The following UNC79 variants were observed in gnomAD, a reference collection of about 807,000 sequenced individuals.
The protein encoded by UNC79 is unc-79 subunit of NALCN channel complex.
UNC79 carries 37 observed loss-of-function variants against 283.1 expected under a neutral mutation model. The observed-to-expected ratio is 0.13, with a 90% CI of 0.10 to 0.17. UNC79 has a LOEUF of 0.17. Ranked by LOEUF, UNC79 falls within the 10% of genes least tolerant of loss-of-function variation. The pLI is 1.00. For missense variants in UNC79, 2,272 were observed against 3,211.1 expected (o/e 0.71, Z 7.07); for synonymous variants, 1,107 against 1,200.2 (o/e 0.92, Z 1.61).
At chr14:93,680,429 A>G (rs2073750918) in intron 41 of UNC79, among the ~76,000 whole-genome samples, 1 of 152,206 alleles carries the variant, frequency 6.6e-6, no homozygotes, top group African/African-American at 2.4e-5. Flanking sequence ...CTTACCTCGC[A>G]TAGTAGATAT....
intron 40 of UNC79, among the ~76,000 whole-genome samples, chr14:93,664,159 G>A (rs990445785): frequency 6.6e-6 from 1 of 152,090 alleles, no homozygotes; most frequent in African/African-American, 2.4e-5. Flanking sequence ...GAAACTATAA[G>A]AAATCGTTTA....
intron 18 of UNC79, among the ~76,000 whole-genome samples, chr14:93,578,325 T>C (rs1404206709): frequency 1.3e-5 from 2 of 152,134 alleles, no homozygotes; most frequent in African/African-American, 4.8e-5. Context: ...GTTAAATAAA[T>C]TGCATTAACA....
At chr14:93,374,913 T>C (rs2054524731) in intron 1 of UNC79, among the ~76,000 whole-genome samples, 1 of 152,144 alleles carries the variant, frequency 6.6e-6, no homozygotes, top group South Asian at 2.1e-4. Flanking sequence ...ACTTTGGACT[T>C]TGGAGTTTTG....
intron 5 of UNC79, among the ~76,000 whole-genome samples, chr14:93,493,769 G>T (rs1028203084): frequency 6.6e-6 from 1 of 151,178 alleles, no homozygotes; most frequent in African/African-American, 2.4e-5. Flanking sequence ...AGTGGCTCCT[G>T]TCTCTAAGGG....
intron 1 of UNC79, among the ~76,000 whole-genome samples, chr14:93,363,792 C>A (rs1313888159): frequency 6.6e-6 from 1 of 151,874 alleles, no homozygotes; most frequent in Non-Finnish European, 1.5e-5. Context: ...AATCTGGGCT[C>A]ACTGCAAGCT....
At chr14:93,622,980 C>A in intron 30 of UNC79, 139 bp downstream of exon 32, 1 of 1,138,288 alleles carries the variant, frequency 8.8e-7, no homozygotes, top group Non-Finnish European at 1.2e-6. Context: ...TTCTCAATCA[C>A]TCTGAATCCT....
chr14:93,376,939 A>G (rs1212524057), intron 1 of UNC79, among the ~76,000 whole-genome samples: 2 of 149,524 alleles, frequency 1.3e-5, no homozygotes, highest in Non-Finnish European at 3.0e-5. Flanking sequence ...GCACTCACCT[A>G]TGTACATATA....
chr14:93,504,042 G>T (rs1158684031), intron 7 of UNC79, among the ~76,000 whole-genome samples: 2 of 151,802 alleles, frequency 1.3e-5, no homozygotes, highest in African/African-American at 2.4e-5. Context: ...CTATTCTGTG[G>T]TACCATTTTT....
At chr14:93,465,738 C>T (rs55664574) in intron 1 of UNC79, among the ~76,000 whole-genome samples, 554 of 152,244 alleles carry the variant, frequency 3.6e-3, no homozygotes, top group African/African-American at 0.012. Context: ...AACTTATTGT[C>T]CATACCCTGT....
chr14:93,339,727 A>G (rs1203743564), intron 1 of UNC79, among the ~76,000 whole-genome samples: 4 of 152,270 alleles, frequency 2.6e-5, no homozygotes, highest in Non-Finnish European at 5.9e-5. Flanking sequence ...GGATTAGCTC[A>G]GGACATTCTG....
chr14:93,371,905 G>T (rs1260178438), intron 1 of UNC79, among the ~76,000 whole-genome samples: 1 of 151,876 alleles, frequency 6.6e-6, no homozygotes, highest in Non-Finnish European at 1.5e-5. Context: ...ATAGTGGAGT[G>T]AAATATTTAA....
At chr14:93,519,879 T>C (rs1412648263) in intron 7 of UNC79, among the ~76,000 whole-genome samples, 1 of 151,830 alleles carries the variant, frequency 6.6e-6, no homozygotes, top group East Asian at 1.9e-4. Context: ...TATATATTAT[T>C]AGCCTCTATT....
chr14:93,461,572 T>G (rs2056964501), intron 1 of UNC79, among the ~76,000 whole-genome samples: 1 of 152,210 alleles, frequency 6.6e-6, no homozygotes, highest in South Asian at 2.1e-4. Flanking sequence ...AAAGTTGAAC[T>G]GCTGTAAAAA....
chr14:93,583,049 C>T (rs1252907172), intron 20 of UNC79, among the ~76,000 whole-genome samples: 5 of 151,980 alleles, frequency 3.3e-5, no homozygotes, highest in African/African-American at 7.2e-5. Flanking sequence ...TGGTCAGGCG[C>T]GGTGGCTCAT....
chr14:93,636,541 TG>T (rs1241607421), intron 31 of UNC79, among the ~76,000 whole-genome samples: 1 of 152,184 alleles, frequency 6.6e-6, no homozygotes, highest in Non-Finnish European at 1.5e-5. Flanking sequence ...TGTAGGCACC[TG>T]AGAAAGGCAG....
At chr14:93,470,604 A>C (rs766191678) in intron 2 of UNC79, among the ~76,000 whole-genome samples, 1 of 152,164 alleles carries the variant, frequency 6.6e-6, no homozygotes, top group Admixed American at 6.6e-5. Flanking sequence ...CTTTAGTCCA[A>C]ATTTCATCCA....
intron 1 of UNC79, among the ~76,000 whole-genome samples, chr14:93,380,915 A>G (rs569291733): frequency 6.6e-6 from 1 of 152,304 alleles, no homozygotes; most frequent in East Asian, 1.9e-4. Context: ...AGTTTTTGAG[A>G]GCCAGGGAGT....
At position 93,348,218 on chromosome 14, in the gene UNC79, A is replaced by T. The variant is rs966576468; in HGVS notation, c.-351+14695A>T. 40 of 724,210 alleles carry T rather than the reference A, an allele frequency of 5.5e-5. No homozygotes were observed. In the African/African-American group the frequency reaches 6.3e-4, roughly 11 times the overall value. 44.9% of individuals were successfully genotyped at this position (724,210 alleles called of 1,614,324 possible). A position where few individuals can be genotyped will look rare whatever the true frequency, so the allele number is the denominator to read the frequency against. ...AAAATTGCCTAGTTGAGTTGATGCA[A>T]CCATTGTGGTATTCACTTTCCTCAT... On this transcript the variant is annotated intron_variant, in intron 1 of 49. Coordinates refer to the UNC79 transcript ENST00000256339.
At chr14:93,453,322 A>G (rs1025194354) in intron 1 of UNC79, among the ~76,000 whole-genome samples, 1 of 152,222 alleles carries the variant, frequency 6.6e-6, no homozygotes, top group Admixed American at 6.5e-5. Context: ...TAGCTGTAGA[A>G]ACTTAAAGAA....
Sources: gnomAD v4.1 joint callset for allele counts (sites outside exome capture counted in the v4.1 genomes callset) on GRCh38, gnomAD v4.1.1 for gene constraint, MANE v1.5 for transcripts, NCBI Gene and HGNC (gene_info 2026-07-23, HGNC 2026-07-21) for gene names.